The following COL4A2 variants were observed in gnomAD, a reference collection of about 807,000 sequenced individuals.
The protein encoded by COL4A2 is collagen alpha-2(IV) chain.
A neutral mutation model predicts 200.2 loss-of-function variants in COL4A2; 99 were observed. The ratio of observed to expected loss-of-function variants is 0.49; its 90% CI spans 0.42 to 0.58. COL4A2 has a LOEUF of 0.58. Among genes scored for constraint, COL4A2 ranks in the 20% least tolerant of loss-of-function variants. The pLI, the probability that COL4A2 is intolerant of heterozygous loss-of-function variation, is 0.00. For synonymous variants in COL4A2, 897 were observed against 900.6 expected (o/e 1.00, Z 0.07); for missense variants, 1,950 against 2,314.1 (o/e 0.84, Z 3.23).
intron 4 of COL4A2, among the ~76,000 whole-genome samples, chr13:110,369,136 G>A (rs1396941762): frequency 4.6e-5 from 7 of 150,982 alleles, no homozygotes; most frequent in African/African-American, 1.2e-4. Flanking sequence ...ACTTGAACTC[G>A]GGAGTTGGAG....
At chr13:110,399,194 C>T (rs1396544233) in intron 4 of COL4A2, among the ~76,000 whole-genome samples, 6 of 152,192 alleles carry the variant, frequency 3.9e-5, no homozygotes, top group Admixed American at 1.3e-4. Context: ...AGCTACTTAA[C>T]TCACACATCC....
intron 11 of COL4A2, 145 bp from the exon 12 acceptor site, chr13:110,434,256 T>C (rs989411115): frequency 4.1e-5 from 29 of 700,832 alleles, no homozygotes; most frequent in South Asian, 3.3e-4. Flanking sequence ...GTTTCTACAA[T>C]GCAAAGCAAG....
Position 110,438,017 on chromosome 13 carries a change from G to A in COL4A2, c.841G>A (p.Glu281Lys). 1 of 1,613,552 alleles carries A rather than the reference G, an allele frequency of 6.2e-7. No individual in the cohort carries two copies. The highest frequency in any genetic ancestry group is 8.5e-7 in the Non-Finnish European group (1 of 1,179,580). Residue 281 changes from glutamate (E) to lysine (K), a missense_variant, in exon 14 of 48, where the codon GAG becomes AAG. This residue lies in a region of COL4A2 where 565 missense variants were observed against 593.5 expected (regional missense o/e 0.95). Transcript: ENST00000360467. ...TTCTTCACAGGGTGAAAAAGGCAGT[G>A]AGGGGGAACCAGGAATAAGAGTAAG... ...PDQYKGEKGS[E>K]GEPGIRGISL...
chr13:110,470,843 T>C (rs9555707), intron 28 of COL4A2, among the ~76,000 whole-genome samples: 52,618 of 152,066 alleles, frequency 0.35, 9,468 homozygotes, highest in East Asian at 0.6. Flanking sequence ...TTCGGAATTT[T>C]GTGTTGCAGC....
At chr13:110,388,279 TG>T (rs1594185867) in intron 4 of COL4A2, among the ~76,000 whole-genome samples, 1 of 152,224 alleles carries the variant, frequency 6.6e-6, no homozygotes, top group African/African-American at 2.4e-5. Context: ...GCCAGGCAGC[TG>T]CCGGCACCTT....
rs370257868 is a variant in COL4A2 at position 110,326,878 on chromosome 13, G to A, written c.99+18755G>A. Among the ~76,000 whole-genome samples, 10 of 152,326 alleles carry A rather than the reference G, an allele frequency of 6.6e-5. No individual in the cohort carries two copies. In the East Asian group the frequency reaches 1.7e-3, roughly 27 times the overall value. On this transcript the variant is annotated intron_variant, in intron 3 of 47. Coordinates refer to ENST00000360467, the MANE Select transcript of COL4A2 (RefSeq NM_001846.4). ...CAGAGCAGTTCACACAGTCTCAGAT[G>A]GCAGTCACCCGCCCGCTCAAGAGCG...
At chr13:110,485,190 G>C (rs983980665) in intron 33 of COL4A2, among the ~76,000 whole-genome samples, 163 bp downstream of exon 33, 2 of 152,184 alleles carry the variant, frequency 1.3e-5, no homozygotes, top group Non-Finnish European at 2.9e-5. Flanking sequence ...GCGCAGGGTT[G>C]TTCTCTGATG....
At position 110,307,931 on chromosome 13, in the gene COL4A2, G is replaced by A; in HGVS notation, c.28G>A (p.Gly10Ser). 1 of 1,612,920 alleles carries A rather than the reference G, an allele frequency of 6.2e-7. No individual in the cohort carries two copies. Among genetic ancestry groups the A allele is most frequent in the South Asian group, 1.1e-5 (1 of 90,960 alleles). The change falls in exon 2 of 48, where the codon GGC (glycine) becomes AGC (serine). Residue 10 changes from glycine to serine, a missense_variant. By Grantham distance (56) the Gly-to-Ser change is moderately conservative. This residue lies in a region of COL4A2 where 565 missense variants were observed against 593.5 expected (regional missense o/e 0.95). Transcript: ENST00000360467. This position sits in a 1 kb window ranked among gnomAD's most constrained non-coding sequence, Gnocchi z 5.0. MGRDQRAVA[G>S]PALRRWLLLG... ...GGGGAGAGACCAGCGCGCGGTGGCCGGCCCTGCCCTACGGCGGTAAGCGAC... is the reference window on the plus strand; with the variant it reads ...GGGGAGAGACCAGCGCGCGGTGGCCAGCCCTGCCCTACGGCGGTAAGCGAC...
intron 3 of COL4A2, among the ~76,000 whole-genome samples, chr13:110,314,611 T>G (rs906240892): frequency 1.3e-5 from 2 of 152,158 alleles, no homozygotes; most frequent in South Asian, 2.1e-4. Flanking sequence ...GGGCCTCTTC[T>G]TCGCTGGGGA....
chr13:110,449,413 A>G (rs1225492766), intron 18 of COL4A2, among the ~76,000 whole-genome samples: 2 of 152,154 alleles, frequency 1.3e-5, no homozygotes, highest in Non-Finnish European at 2.9e-5. Flanking sequence ...CCACCAGCAG[A>G]ATTGGCAACC....
chr13:110,364,912 G>A (rs919094954), intron 4 of COL4A2, among the ~76,000 whole-genome samples: 2 of 152,162 alleles, frequency 1.3e-5, no homozygotes, highest in African/African-American at 2.4e-5. Context: ...CAGTTATCCT[G>A]TTCACTAGCC....
Position 110,455,838 on chromosome 13 carries a change from C to T in COL4A2, c.1340-1505C>T, listed in dbSNP as rs529312599. Among the ~76,000 whole-genome samples, 6 of 152,340 alleles carry T rather than the reference C, an allele frequency of 3.9e-5. No homozygotes were observed. In the South Asian group the frequency reaches 1.2e-3, roughly 32 times the overall value. ...GGGTTCTTTAAAGTTGGAGTTTTCT[C>T]ACCTTCCTGTGTGTAACGGCCTCAT... On this transcript the variant is annotated intron_variant, in intron 20 of 47. Transcript: ENST00000360467.
intron 7 of COL4A2, among the ~76,000 whole-genome samples, 164 bp from the exon 8 acceptor site, chr13:110,429,721 G>T (rs1268028283): frequency 6.6e-6 from 1 of 152,188 alleles, no homozygotes; most frequent in Admixed American, 6.5e-5. Flanking sequence ...TACCCTTGTT[G>T]CTGAATATAG....
chr13:110,427,752 A>G (rs1880522958), intron 6 of COL4A2, among the ~76,000 whole-genome samples: 1 of 152,200 alleles, frequency 6.6e-6, no homozygotes, highest in Non-Finnish European at 1.5e-5. Flanking sequence ...CCCTCTAGTC[A>G]TTGCAGACAC....
rs756162551 is a variant in COL4A2, at chr13:110,512,093, G to C, written c.5041G>C (p.Glu1681Gln). 2 of 1,613,720 alleles carry C rather than the reference G, an allele frequency of 1.2e-6. No homozygotes were observed. Among genetic ancestry groups the C allele is most frequent in the South Asian group, 1.1e-5 (1 of 91,088 alleles). Residue 1681 changes from glutamate (E) to glutamine (Q), a missense_variant, in exon 48 of 48, where the codon GAG becomes CAG. Coordinates refer to ENST00000360467, the MANE Select transcript of COL4A2 (RefSeq NM_001846.4). The part of the protein sequence containing the change: ...KYSFWLTTIP[E>Q]QSFQGSPSAD... ...CAGCTTCTGGCTGACCACCATTCCC[G>C]AGCAGAGCTTCCAGGGCTCGCCCTC...
chr13:110,459,651 AAG>A (rs984413380), intron 22 of COL4A2: 2 of 152,244 alleles, frequency 1.3e-5, no homozygotes, highest in African/African-American at 4.8e-5. Flanking sequence ...GAAATTAGAT[AAG>A]AGTGATGGTT....
intron 3 of COL4A2, among the ~76,000 whole-genome samples, chr13:110,348,437 C>A (rs1876810334): frequency 6.6e-6 from 1 of 152,228 alleles, no homozygotes; most frequent in Non-Finnish European, 1.5e-5. Context: ...CTTCCATATA[C>A]CTTGCCCTGC....
chr13:110,328,755 A>T (rs1024669794), intron 3 of COL4A2, among the ~76,000 whole-genome samples: 2 of 152,186 alleles, frequency 1.3e-5, no homozygotes, highest in Non-Finnish European at 2.9e-5. Flanking sequence ...GGGCTCCGTC[A>T]CCCAGCAGCG....
chr13:110,502,978 A>G (rs1246809665), intron 41 of COL4A2, 143 bp from the exon 42 acceptor site: 5 of 787,172 alleles, frequency 6.4e-6, no homozygotes, highest in African/African-American at 5.2e-5. Flanking sequence ...TTTTACGACA[A>G]TTTTTTAAAA....
Sources: allele counts gnomAD v4.1 joint callset (sites outside exome capture counted in the v4.1 genomes callset), GRCh38; gene constraint gnomAD v4.1.1; regional missense constraint gnomAD v4.1.1; non-coding constraint Gnocchi (gnomAD v3.1); transcripts MANE v1.5; gene names NCBI Gene and HGNC (gene_info 2026-07-23, HGNC 2026-07-21).